CAMK1D: variants seen among roughly 807,000 people sequenced by gnomAD.
CAMK1D encodes calcium/calmodulin dependent protein kinase ID.
Under a neutral mutation model 47.7 loss-of-function variants are expected in CAMK1D, and 9 were observed. That is an observed-to-expected ratio of 0.19 (90% CI 0.11 to 0.33). The LOEUF (loss-of-function observed/expected upper bound fraction) is 0.33. CAMK1D is among the 10% of genes least tolerant of loss of function. CAMK1D has a pLI of 1.00. For missense variants in CAMK1D, 291 were observed against 488.7 expected, an observed-to-expected ratio of 0.60 and a Z score of 3.81; for synonymous variants, 184 against 184.9, an observed-to-expected ratio of 0.99 and a Z score of 0.04.
chr10:12,529,578 A>G (rs1224356106), intron 1 of CAMK1D, among the ~76,000 whole-genome samples: 1 of 152,126 alleles, frequency 6.6e-6, no homozygotes, highest in Non-Finnish European at 1.5e-5. Context: ...TTTAGATGAC[A>G]TATGTGCTGG....
intron 1 of CAMK1D, among the ~76,000 whole-genome samples, chr10:12,473,723 C>T (rs1403402889): frequency 6.6e-6 from 1 of 152,180 alleles, no homozygotes; most frequent in Non-Finnish European, 1.5e-5. Context: ...GCTGCTCTCA[C>T]ACTCTAGAGT....
chr10:12,564,474 G>A lies in CAMK1D; in HGVS notation c.224+11118G>A, dbSNP rs569453321. Among the ~76,000 whole-genome samples, 16 of 152,264 alleles carry A rather than the reference G, an allele frequency of 1.1e-4. No individual in the cohort carries two copies. In the East Asian group the frequency reaches 1.4e-3, roughly 13 times the overall value. ...TGGATTAACAAATTTCATTTCACAT[G>A]TGTGAAGTCCAGGGCTATCGTTTGA... On this transcript the variant is annotated intron_variant, in intron 2 of 10. Transcript: ENST00000619168.
Position 12,818,062 on chromosome 10 carries a change from A to G in CAMK1D, c.833+1734A>G, listed in dbSNP as rs74741950. 2.6e-3 allele frequency among the ~76,000 whole-genome samples: 400 copies of G among 152,258 alleles called. 7 individuals are homozygous for G. The East Asian group carries it at 0.039, about 15-fold the overall frequency. ...CCAAGAGTCGTAAAATACCAAAGAT[A>G]ATGAAAATAAATGGACAGAACCTTG... On this transcript the variant is annotated intron_variant, in intron 8 of 10. Transcript: ENST00000619168.
intron 5 of CAMK1D, among the ~76,000 whole-genome samples, chr10:12,770,095 C>A (rs1262052629): frequency 2.6e-5 from 4 of 152,194 alleles, no homozygotes; most frequent in African/African-American, 7.2e-5. Flanking sequence ...TCCCAGGTTC[C>A]ATTTCCAGAG....
intron 1 of CAMK1D, among the ~76,000 whole-genome samples, chr10:12,366,975 C>T (rs1269840339): frequency 1.3e-5 from 2 of 152,072 alleles, no homozygotes; most frequent in African/African-American, 4.8e-5. Flanking sequence ...TGGTGATGGC[C>T]TTGCTTGGCT....
chr10:12,616,157 A>C (rs1258632784), intron 2 of CAMK1D, among the ~76,000 whole-genome samples: 1 of 152,024 alleles, frequency 6.6e-6, no homozygotes, highest in Non-Finnish European at 1.5e-5. Context: ...TACGTGTGTG[A>C]ATGTATATGT....
At chr10:12,595,117 A>G (rs1283351785) in intron 2 of CAMK1D, among the ~76,000 whole-genome samples, 4 of 151,990 alleles carry the variant, frequency 2.6e-5, no homozygotes, top group Non-Finnish European at 5.9e-5. Context: ...TGAAGAGGGC[A>G]GATCATCTGA....
chr10:12,741,019 C>T (rs1174442025), intron 3 of CAMK1D, among the ~76,000 whole-genome samples: 1 of 152,202 alleles, frequency 6.6e-6, no homozygotes, highest in Non-Finnish European at 1.5e-5. Context: ...GGATTTTCCA[C>T]ATCATCCTTT....
chr10:12,510,251 C>G (rs1184330223), intron 1 of CAMK1D, among the ~76,000 whole-genome samples: 7 of 152,102 alleles, frequency 4.6e-5, no homozygotes, highest in Non-Finnish European at 1.0e-4. Flanking sequence ...CTCATCTCCA[C>G]TAAAAAATAC....
chr10:12,463,175 G>A (rs189267294), intron 1 of CAMK1D, among the ~76,000 whole-genome samples: 2 of 142,986 alleles, frequency 1.4e-5, no homozygotes, highest in East Asian at 2.0e-4. Flanking sequence ...TTTCTCTGTC[G>A]TTCAGGCAGG....
At position 12,490,318 on chromosome 10, in the gene CAMK1D, G is replaced by A. The variant is rs548951536; in HGVS notation, c.93-62907G>A. ...CATTAAAGCTGGCTGCTTGCAGGGCGCTGGGACGGGGTTATTCTGCTGCCC... is the reference window on the plus strand; with the variant it reads ...CATTAAAGCTGGCTGCTTGCAGGGCACTGGGACGGGGTTATTCTGCTGCCC... On this transcript the variant is annotated intron_variant, in intron 1 of 10. Transcript: ENST00000619168. 7.2e-5 allele frequency among the ~76,000 whole-genome samples: 11 copies of A among 152,306 alleles called. No individual in the cohort carries two copies. In the South Asian group the frequency reaches 1.9e-3, roughly 26 times the overall value.
At chr10:12,480,608 C>T (rs143706318) in intron 1 of CAMK1D, among the ~76,000 whole-genome samples, 411 of 152,258 alleles carry the variant, frequency 2.7e-3, no homozygotes, top group Admixed American at 4.6e-3. Flanking sequence ...ACAATAACCT[C>T]GTGGGGTGGG....
chr10:12,485,395 G>T (rs976142463), intron 1 of CAMK1D, among the ~76,000 whole-genome samples: 44 of 152,150 alleles, frequency 2.9e-4, no homozygotes, highest in African/African-American at 1.0e-3. Context: ...CGTGGGGGAG[G>T]GAGTAGAAAC....
At position 12,549,082 on chromosome 10, in the gene CAMK1D, C is replaced by T. The variant is rs571123173; in HGVS notation, c.93-4143C>T. On this transcript the variant is annotated intron_variant, in intron 1 of 10. Coordinates refer to ENST00000619168, the MANE Select transcript of CAMK1D (RefSeq NM_153498.4). ...TATTGGCCAGGCTGGTCTCAAAATC[C>T]TGACCTCAAGTGGTCTGCCCGCCTT... Among the ~76,000 whole-genome samples the T allele has an allele frequency of 5.3e-5, 8 of 152,150 alleles. No individual in the cohort carries two copies. In the South Asian group the frequency reaches 1.7e-3, roughly 32 times the overall value.
At chr10:12,477,143 C>T (rs866590835) in intron 1 of CAMK1D, among the ~76,000 whole-genome samples, 1 of 152,038 alleles carries the variant, frequency 6.6e-6, no homozygotes, top group Non-Finnish European at 1.5e-5. Context: ...TGGCTAGGTG[C>T]GGTGGCTCAC....
At chr10:12,529,247 A>G (rs1257574964) in intron 1 of CAMK1D, among the ~76,000 whole-genome samples, 1 of 152,182 alleles carries the variant, frequency 6.6e-6, no homozygotes, top group African/African-American at 2.4e-5. Flanking sequence ...TAGGTAGCAT[A>G]ATTCTCAGTT....
intron 1 of CAMK1D, among the ~76,000 whole-genome samples, chr10:12,462,634 G>A (rs540318624): frequency 1.3e-5 from 2 of 152,310 alleles, no homozygotes; most frequent in African/African-American, 4.8e-5. Context: ...TTAAACATGA[G>A]AAGGGTCAGA....
At chr10:12,784,438 T>TGA (rs2130976582) in intron 5 of CAMK1D, among the ~76,000 whole-genome samples, 1 of 152,260 alleles carries the variant, frequency 6.6e-6, no homozygotes, top group African/African-American at 2.4e-5. Flanking sequence ...CCTCAGGTGA[T>TGA]TCATCCTCCT....
At chr10:12,526,909 A>AAAAAAG (rs1321126536) in intron 1 of CAMK1D, among the ~76,000 whole-genome samples, 1 of 151,542 alleles carries the variant, frequency 6.6e-6, no homozygotes, top group Admixed American at 6.6e-5. Context: ...AAAAAAAAAA[A>AAAAAAG]AAAATCAGAA....
Sources: allele counts gnomAD v4.1 joint callset (sites outside exome capture counted in the v4.1 genomes callset), GRCh38; gene constraint gnomAD v4.1.1; transcripts MANE v1.5; gene names NCBI Gene and HGNC (gene_info 2026-07-23, HGNC 2026-07-21).